The following NEGR1 variants were observed in gnomAD, a reference collection of about 807,000 sequenced individuals.
NEGR1 encodes the protein IgLON family member 4.
NEGR1 carries 10 observed loss-of-function variants against 40.9 expected under a neutral mutation model. The observed-to-expected ratio is 0.24, with a 90% CI of 0.15 to 0.42. NEGR1 has a LOEUF of 0.42. Ranked by LOEUF, NEGR1 falls within the 10% of genes least tolerant of loss-of-function variation. The pLI, the probability that NEGR1 is intolerant of heterozygous loss-of-function variation, is 1.00. For synonymous variants in NEGR1, 185 were observed against 166.8 expected, an observed-to-expected ratio of 1.11 and a Z score of -0.84; for missense variants, 352 against 438.9, an observed-to-expected ratio of 0.80 and a Z score of 1.77.
At chr1:71,565,459 C>T (rs1255526339) in intron 6 of NEGR1, among the ~76,000 whole-genome samples, 2 of 152,108 alleles carry the variant, frequency 1.3e-5, no homozygotes, top group African/African-American at 4.8e-5. Context: ...ATTTGCTTAG[C>T]AGGGAAAATA....
At chr1:71,862,011 A>G (rs1659962671) in intron 2 of NEGR1, among the ~76,000 whole-genome samples, 1 of 152,146 alleles carries the variant, frequency 6.6e-6, no homozygotes, top group Non-Finnish European at 1.5e-5. Flanking sequence ...TGTGTGACAG[A>G]AGACACAATA....
At chr1:71,882,850 T>C (rs1303753221) in intron 2 of NEGR1, among the ~76,000 whole-genome samples, 2 of 152,074 alleles carry the variant, frequency 1.3e-5, no homozygotes, top group East Asian at 1.9e-4. Flanking sequence ...TGATTATGAG[T>C]AATTTCCTTT....
At chr1:71,664,497 T>C (rs2422022) in intron 4 of NEGR1, among the ~76,000 whole-genome samples, 75,484 of 151,998 alleles carry the variant, frequency 0.5, 18,777 homozygotes, top group Middle Eastern at 0.56. Context: ...AAGACTATTA[T>C]GATTTTCTTA....
At chr1:72,260,510 T>C (rs919623363) in intron 1 of NEGR1, among the ~76,000 whole-genome samples, 6 of 152,096 alleles carry the variant, frequency 3.9e-5, no homozygotes, top group Non-Finnish European at 7.4e-5. Context: ...AAATATGCAC[T>C]ATTGGCACAT....
chr1:71,473,772 C>A (rs1236336500), intron 6 of NEGR1, among the ~76,000 whole-genome samples: 1 of 151,930 alleles, frequency 6.6e-6, no homozygotes, highest in Admixed American at 6.6e-5. Context: ...TTCCCTTATC[C>A]CTGTAATTAT....
intron 2 of NEGR1, among the ~76,000 whole-genome samples, chr1:71,921,703 A>AATATATATATATATAT (rs61614174): frequency 7.5e-6 from 1 of 134,052 alleles, no homozygotes; most frequent in African/African-American, 2.7e-5. Context: ...ACAGTACAAG[A>AATATATATATATATAT]ATATATATAT....
At chr1:71,839,126 G>C (rs1391624643) in intron 2 of NEGR1, among the ~76,000 whole-genome samples, 1 of 150,198 alleles carries the variant, frequency 6.7e-6, no homozygotes, top group Non-Finnish European at 1.5e-5. Context: ...AAAGAACAAG[G>C]GGTCCCATGA....
At chr1:72,147,270 T>C (rs1286509122) in intron 1 of NEGR1, among the ~76,000 whole-genome samples, 6 of 152,154 alleles carry the variant, frequency 3.9e-5, no homozygotes, top group Non-Finnish European at 8.8e-5. Flanking sequence ...TCCACATGGC[T>C]GGAGAGACCT....
intron 1 of NEGR1, among the ~76,000 whole-genome samples, chr1:72,116,951 G>A (rs563230898): frequency 6.6e-6 from 1 of 151,748 alleles, no homozygotes; most frequent in African/African-American, 2.4e-5. Context: ...ATAGCTTAGT[G>A]CCACACACCT....
At chr1:71,677,385 G>T (rs1331849368) in intron 4 of NEGR1, among the ~76,000 whole-genome samples, 1 of 151,944 alleles carries the variant, frequency 6.6e-6, no homozygotes. Context: ...TCATAGCACT[G>T]TCAAATGATT....
intron 2 of NEGR1, among the ~76,000 whole-genome samples, chr1:71,873,455 G>A (rs928789427): frequency 4.6e-5 from 7 of 152,012 alleles, no homozygotes; most frequent in Non-Finnish European, 7.4e-5. Flanking sequence ...CAACTGGCTC[G>A]TTATATGACC....
chr1:71,689,324 A>G (rs1653173410), intron 4 of NEGR1, among the ~76,000 whole-genome samples: 1 of 152,156 alleles, frequency 6.6e-6, no homozygotes, highest in Non-Finnish European at 1.5e-5. Flanking sequence ...TTAAATAACT[A>G]TCAGAAAAAC....
intron 6 of NEGR1, among the ~76,000 whole-genome samples, chr1:71,554,156 T>C (rs1648175787): frequency 6.6e-6 from 1 of 151,548 alleles, no homozygotes; most frequent in Admixed American, 6.6e-5. Flanking sequence ...TTTATTTCTT[T>C]ATAAATAAAT....
chr1:72,180,031 C>G (rs1652307577), intron 1 of NEGR1, among the ~76,000 whole-genome samples: 1 of 151,818 alleles, frequency 6.6e-6, no homozygotes, highest in Non-Finnish European at 1.5e-5. Context: ...AGAAAAAAAT[C>G]CTAAAATTTG....
intron 1 of NEGR1, among the ~76,000 whole-genome samples, chr1:72,257,309 G>C (rs565087912): frequency 6.5e-4 from 78 of 120,780 alleles, no homozygotes; most frequent in African/African-American, 2.5e-3. Flanking sequence ...GCGACAGAGC[G>C]AGACTCTGTC....
chr1:71,631,579 T>C (rs1373161293), intron 4 of NEGR1, among the ~76,000 whole-genome samples: 2 of 151,854 alleles, frequency 1.3e-5, no homozygotes, highest in African/African-American at 4.8e-5. Flanking sequence ...ATCCTTGAAA[T>C]TTAGTATAAG....
At chr1:71,496,199 A>T (rs1360781331) in intron 6 of NEGR1, among the ~76,000 whole-genome samples, 2 of 152,128 alleles carry the variant, frequency 1.3e-5, no homozygotes, top group African/African-American at 4.8e-5. Context: ...AGATACTCTA[A>T]ATAGAGAGAA....
At chr1:71,971,575 AGT>A (rs1646257033) in intron 1 of NEGR1, among the ~76,000 whole-genome samples, 1 of 152,226 alleles carries the variant, frequency 6.6e-6, no homozygotes, top group Non-Finnish European at 1.5e-5. Context: ...TGTAAGTTAA[AGT>A]ACTAGGTAGA....
At chr1:72,104,810 T>C (rs1356483961) in intron 1 of NEGR1, among the ~76,000 whole-genome samples, 2 of 152,152 alleles carry the variant, frequency 1.3e-5, no homozygotes, top group Non-Finnish European at 2.9e-5. Flanking sequence ...ATATTAAATT[T>C]TCTAATTATA....
Sources: allele counts gnomAD v4.1 joint callset (sites outside exome capture counted in the v4.1 genomes callset), GRCh38; gene constraint gnomAD v4.1.1; transcripts MANE v1.5; gene names NCBI Gene and HGNC (gene_info 2026-07-23, HGNC 2026-07-21).